Variants in CCNH observed in about 807,000 individuals in gnomAD.
CCNH encodes the protein cyclin-H.
Under a neutral mutation model 41.9 loss-of-function variants are expected in CCNH, and 31 were observed. That is an observed-to-expected ratio of 0.74 (90% CI 0.56 to 1.00). The LOEUF is 1.00. Among genes scored for constraint, CCNH ranks in the 50% least tolerant of loss-of-function variants. CCNH has a pLI of 0.00. For synonymous variants in CCNH, 138 were observed against 136.1 expected (o/e 1.01, Z -0.10); for missense variants, 362 against 388.4 (o/e 0.93, Z 0.57).
intron 9 of CCNH, among the ~76,000 whole-genome samples, chr5:87,351,709 G>C (rs115797268): frequency 6.6e-6 from 1 of 151,586 alleles, no homozygotes; most frequent in Non-Finnish European, 1.5e-5. Flanking sequence ...GTGTTTCTGC[G>C]TAGAGTATAA....
intron 9 of CCNH, chr5:87,363,490 T>C: frequency 6.2e-7 from 1 of 1,612,080 alleles, no homozygotes; most frequent in Non-Finnish European, 8.5e-7. Context: ...TCGTTCATGA[T>C]AGTCTCTTTG....
intron 9 of CCNH, among the ~76,000 whole-genome samples, chr5:87,351,115 A>G (rs1759235858): frequency 6.6e-6 from 1 of 151,698 alleles, no homozygotes; most frequent in South Asian, 2.1e-4. Flanking sequence ...AAAGAGGGAT[A>G]GTAGTTATGT....
At chr5:87,337,431 C>T (rs972071319) in intron 9 of CCNH, among the ~76,000 whole-genome samples, 4 of 152,020 alleles carry the variant, frequency 2.6e-5, no homozygotes, top group Admixed American at 6.6e-5. Flanking sequence ...GTGAATTAAA[C>T]AAGCCCTGGT....
intron 9 of CCNH, among the ~76,000 whole-genome samples, chr5:87,341,056 A>G (rs1462434020): frequency 3.3e-5 from 5 of 151,968 alleles, no homozygotes; most frequent in African/African-American, 1.2e-4. Flanking sequence ...TAATTATATT[A>G]GTTGGGCTGT....
intron 5 of CCNH, among the ~76,000 whole-genome samples, chr5:87,403,030 A>G (rs1457247780): frequency 6.6e-6 from 1 of 152,216 alleles, no homozygotes; most frequent in Non-Finnish European, 1.5e-5. Flanking sequence ...TAAATCTGCA[A>G]GAAAGAGAAG....
chr5:87,339,832 A>T (rs935937815), intron 9 of CCNH, among the ~76,000 whole-genome samples: 1 of 152,160 alleles, frequency 6.6e-6, no homozygotes, highest in African/African-American at 2.4e-5. Flanking sequence ...AATAACTTTC[A>T]TGATGGGCTT....
intron 9 of CCNH, chr5:87,353,293 T>A: frequency 7.2e-7 from 1 of 1,380,024 alleles, no homozygotes; most frequent in Middle Eastern, 1.8e-4. Context: ...TGCATTTTGG[T>A]GGTATGTTTT....
At chr5:87,375,135 C>T (rs1240018059), downstream of CCNH, among the ~76,000 whole-genome samples, 1 of 152,114 alleles carries the variant, frequency 6.6e-6, no homozygotes, top group Non-Finnish European at 1.5e-5. Flanking sequence ...CACTGTTAAG[C>T]AATTAAGATT....
chr5:87,377,156 T>C, exon 1 of CCNH: 1 of 1,345,304 alleles, frequency 7.4e-7, no homozygotes, highest in Non-Finnish European at 1.0e-6. Flanking sequence ...CAAAATAAGT[T>C]ATTCTGTTTT....
downstream of CCNH, chr5:87,390,824 A>G (rs377550978): frequency 5.3e-5 from 85 of 1,613,356 alleles, no homozygotes; most frequent in Admixed American, 8.3e-5. Flanking sequence ...GCTTCTGGCT[A>G]TAACAGAACT....
At chr5:87,411,187 C>G (rs1348257228) in intron 2 of CCNH, 37 bp downstream of exon 2, 1 of 1,576,830 alleles carries the variant, frequency 6.3e-7, no homozygotes, top group African/African-American at 1.4e-5. Context: ...CACAAGCCAA[C>G]TAAAGGACAT....
chr5:87,324,127 T>C (rs145076802), intron 9 of CCNH, among the ~76,000 whole-genome samples: 1 of 152,316 alleles, frequency 6.6e-6, no homozygotes, highest in East Asian at 1.9e-4. Context: ...CTTCATGTGC[T>C]GAATGGTATG....
At chr5:87,363,038 A>G (rs1408299051) in intron 9 of CCNH, among the ~76,000 whole-genome samples, 1 of 151,814 alleles carries the variant, frequency 6.6e-6, no homozygotes, top group Admixed American at 6.6e-5. Flanking sequence ...AAAGTGGAAG[A>G]ATTTTTTCCT....
chr5:87,342,475 A>G (rs1758543954), intron 9 of CCNH, among the ~76,000 whole-genome samples: 1 of 152,166 alleles, frequency 6.6e-6, no homozygotes. Context: ...TGCAAATTCT[A>G]ATTAATGCTT....
chr5:87,388,135 G>A (rs1762193233), downstream of CCNH, among the ~76,000 whole-genome samples: 1 of 152,086 alleles, frequency 6.6e-6, no homozygotes, highest in Non-Finnish European at 1.5e-5. Flanking sequence ...ATTCTGTGTT[G>A]CTATGATTAC....
Position 87,338,618 on chromosome 5 carries a change from C to T in CCNH, c.*91-19721G>A, listed in dbSNP as rs980082333. Among the ~76,000 whole-genome samples the T allele has an allele frequency of 1.9e-4, 28 of 148,604 alleles. 1 individual carries two copies. The South Asian group carries it at 4.0e-3, about 21-fold the overall frequency. ...AACGCCTGACCTCAAGTGTTCCACC[C>T]GCCTTAGCCTCCCAAAGTACTGGGA... On this transcript the variant is annotated intron_variant and NMD_transcript_variant, in intron 9 of 9. Coordinates refer to the CCNH transcript ENST00000645953.
intron 9 of CCNH, chr5:87,383,645 T>A (rs1016514340): frequency 2.5e-6 from 3 of 1,199,378 alleles, no homozygotes; most frequent in South Asian, 1.4e-5. Context: ...TTATATATAT[T>A]GTTTTAATGT....
At chr5:87,353,438 CT>C (rs1420077257) in intron 9 of CCNH, among the ~76,000 whole-genome samples, 1 of 151,884 alleles carries the variant, frequency 6.6e-6, no homozygotes, top group Non-Finnish European at 1.5e-5. Context: ...AACCTAGTGG[CT>C]TTTTGAGATT....
downstream of CCNH, among the ~76,000 whole-genome samples, chr5:87,390,480 T>C (rs1013659138): frequency 6.6e-6 from 1 of 151,668 alleles, no homozygotes; most frequent in Non-Finnish European, 1.5e-5. Flanking sequence ...GCCTTAGATA[T>C]TAAATAAAAA....
Sources: allele counts gnomAD v4.1 joint callset (sites outside exome capture counted in the v4.1 genomes callset), GRCh38; gene constraint gnomAD v4.1.1; transcripts MANE v1.5; gene names NCBI Gene and HGNC (gene_info 2026-07-23, HGNC 2026-07-21).